Variants in ABL2 observed in about 807,000 individuals in gnomAD.
ABL2 encodes the protein tyrosine-protein kinase ABL2.
ABL2 carries 49 observed loss-of-function variants against 107.7 expected under a neutral mutation model. The observed-to-expected ratio is 0.45, with a 90% CI of 0.36 to 0.58. The LOEUF (loss-of-function observed/expected upper bound fraction) is 0.58. ABL2 is among the 20% of genes least tolerant of loss of function. ABL2 has a pLI of 0.00. For synonymous variants in ABL2, 549 were observed against 548.6 expected, an observed-to-expected ratio of 1.00 and a Z score of -0.01; for missense variants, 1,245 against 1,457.0, an observed-to-expected ratio of 0.85 and a Z score of 2.37.
chr1:179,171,022 AAAT>A (rs1414652783), intron 1 of ABL2, among the ~76,000 whole-genome samples: 2 of 152,234 alleles, frequency 1.3e-5, no homozygotes, highest in African/African-American at 2.4e-5. Flanking sequence ...TTTCTTAAAA[AAAT>A]AATAATAATC....
chr1:179,192,214 A>T (rs2102823201), intron 1 of ABL2, among the ~76,000 whole-genome samples: 1 of 152,326 alleles, frequency 6.6e-6, no homozygotes, highest in East Asian at 1.9e-4. Flanking sequence ...CCAAAGGTAG[A>T]TATGGCTGGC....
chr1:179,112,225 C>T, intron 10 of ABL2, 84 bp downstream of exon 10: 1 of 1,229,620 alleles, frequency 8.1e-7, no homozygotes, highest in Non-Finnish European at 1.2e-6. Context: ...AAAAGTTGAT[C>T]ATTTTTGAAA....
At chr1:179,136,892 T>A (rs1657077577) in intron 1 of ABL2, among the ~76,000 whole-genome samples, 1 of 138,552 alleles carries the variant, frequency 7.2e-6, no homozygotes, top group Admixed American at 7.8e-5. Context: ...CCAGCCTGGG[T>A]GACAACAGAG....
chr1:179,124,889 T>C (rs930494978), intron 4 of ABL2, among the ~76,000 whole-genome samples: 2 of 152,266 alleles, frequency 1.3e-5, no homozygotes, highest in Non-Finnish European at 2.9e-5. Flanking sequence ...TTTTAAGGTA[T>C]ACCATTTCAT....
intron 1 of ABL2, 25 bp from the exon 2 acceptor site, chr1:179,133,399 G>T: frequency 6.2e-7 from 1 of 1,613,952 alleles, no homozygotes; most frequent in Non-Finnish European, 8.5e-7. Context: ...AATTGACCAC[G>T]TCACTTTTCT....
At chr1:179,199,717 C>T (rs973509227) in intron 1 of ABL2, among the ~76,000 whole-genome samples, 3 of 142,664 alleles carry the variant, frequency 2.1e-5, no homozygotes, top group Non-Finnish European at 4.5e-5. Context: ...GTTCCAAAAC[C>T]CATACACTTT....
intron 1 of ABL2, among the ~76,000 whole-genome samples, chr1:179,142,366 G>A (rs1256611594): frequency 6.6e-6 from 1 of 152,086 alleles, no homozygotes; most frequent in Non-Finnish European, 1.5e-5. Flanking sequence ...AAATTATCAT[G>A]ATTGAAAAAG....
At chr1:179,174,920 A>AAAAAAAAATAAT (rs1659958398) in intron 1 of ABL2, among the ~76,000 whole-genome samples, 1 of 122,874 alleles carries the variant, frequency 8.1e-6, no homozygotes, top group South Asian at 2.5e-4. Context: ...AAAATAAAAA[A>AAAAAAAAATAAT]AATAATAATA....
intron 1 of ABL2, among the ~76,000 whole-genome samples, chr1:179,212,615 C>G (rs1662335736): frequency 6.6e-6 from 1 of 151,716 alleles, no homozygotes; most frequent in Non-Finnish European, 1.5e-5. Flanking sequence ...TGCCTGTAAT[C>G]CCAGCTACGC....
chr1:179,174,900 AAAAAAAAAT>A (rs1269369438), intron 1 of ABL2, among the ~76,000 whole-genome samples: 3 of 104,220 alleles, frequency 2.9e-5, no homozygotes, highest in East Asian at 3.0e-4. Context: ...TGTCTCAAAA[AAAAAAAAAT>A]AAAATAAAAA....
chr1:179,151,065 A>T (rs374817227), intron 1 of ABL2, among the ~76,000 whole-genome samples: 1 of 152,238 alleles, frequency 6.6e-6, no homozygotes, highest in Non-Finnish European at 1.5e-5. Context: ...AGACCACAGT[A>T]TAGCATGAAC....
Position 179,131,311 on chromosome 1 carries a change from C to A in ABL2, c.391G>T (p.Gly131Cys), listed in dbSNP as rs781268035. The A allele has an allele frequency of 1.2e-6, 2 of 1,612,984 alleles. No homozygotes were observed. The highest frequency in any genetic ancestry group is 1.7e-6 in the Non-Finnish European group (2 of 1,179,266). Residue 131 changes from glycine (G) to cysteine (C), a missense_variant and splice_region_variant, in exon 3 of 12, where the codon GGT becomes TGT. Gly to Cys is a radical substitution (Grantham distance 159). Around this residue, in one of 3 missense-constraint regions of ABL2, gnomAD observed 320 missense variants for 547.0 expected, o/e 0.59. Coordinates refer to ENST00000502732, the MANE Select transcript of ABL2 (RefSeq NM_007314.4). ...AAAGGATGCTACATAGAAGCCTCAC[C>A]TTTAGTGATGCTGAGTGTGTTATCA... ...SGDNTLSITK[G>C]EKLRVLGYNQ...
chr1:179,121,544 T>A (rs747623449), intron 5 of ABL2, 51 bp downstream of exon 5: 1 of 1,580,200 alleles, frequency 6.3e-7, no homozygotes, highest in South Asian at 1.2e-5. Context: ...TTCCAAGTGA[T>A]TGAGCACAAA....
chr1:179,163,401 A>C (rs1043407323), intron 1 of ABL2, among the ~76,000 whole-genome samples: 6 of 152,196 alleles, frequency 3.9e-5, no homozygotes, highest in African/African-American at 1.4e-4. Context: ...ATGGAAACTT[A>C]AGTTCACACA....
In ABL2 at chr1:179,101,391, T is replaced by C. The variant is rs1653074940; in HGVS notation, c.*6327A>G. 5.5e-6 allele frequency: 1 copy of C among 182,588 alleles called. No homozygotes were observed. Among genetic ancestry groups the C allele is most frequent in the Admixed American group, 6.3e-5 (1 of 15,788 alleles). 11.3% of individuals were successfully genotyped at this position (182,588 alleles called of 1,614,324 possible). On this transcript the variant is annotated 3_prime_UTR_variant, in exon 12 of 12. Coordinates refer to ENST00000502732, the MANE Select transcript of ABL2 (RefSeq NM_007314.4). ...ATGAAGGTATCCTTTTTTTTTTTTT[T>C]CTTCTTAACGTGTCTCACTCTGTCA...
intron 1 of ABL2, among the ~76,000 whole-genome samples, chr1:179,176,729 T>A (rs1660072370): frequency 1.6e-5 from 1 of 61,820 alleles, no homozygotes; most frequent in South Asian, 5.2e-4. Context: ...AGATTCTCAT[T>A]CTGTCACCCA....
At chr1:179,144,619 G>A (rs925291175) in intron 1 of ABL2, among the ~76,000 whole-genome samples, 1 of 152,154 alleles carries the variant, frequency 6.6e-6, no homozygotes, top group Non-Finnish European at 1.5e-5. Context: ...AACAGCCTTA[G>A]AGAAAATTGA....
At chr1:179,120,078 C>T (rs1858551) in intron 6 of ABL2, 112 bp downstream of exon 6, 400,361 of 630,408 alleles carry the variant, frequency 0.64, 128,151 homozygotes, top group Middle Eastern at 0.76. Flanking sequence ...GACAACAGAG[C>T]GAGACCCTGT....
chr1:179,129,319 C>A (rs1377533945), intron 3 of ABL2, among the ~76,000 whole-genome samples: 1 of 152,174 alleles, frequency 6.6e-6, no homozygotes, highest in Admixed American at 6.5e-5. Context: ...CATCACTTCA[C>A]AAATTTCTCC....
Sources: gnomAD v4.1 joint callset for allele counts (sites outside exome capture counted in the v4.1 genomes callset) on GRCh38, gnomAD v4.1.1 for gene constraint, gnomAD v4.1.1 regional missense constraint, MANE v1.5 for transcripts, NCBI Gene and HGNC (gene_info 2026-07-23, HGNC 2026-07-21) for gene names.